Variants in TOP3B observed in about 807,000 individuals in gnomAD.
The protein encoded by TOP3B is DNA topoisomerase 3-beta-1.
A neutral mutation model predicts 93.9 loss-of-function variants in TOP3B; 45 were observed. The observed-to-expected ratio is 0.48, with a 90% CI of 0.38 to 0.61. The LOEUF (loss-of-function observed/expected upper bound fraction) is 0.61. Among genes scored for constraint, TOP3B ranks in the 20% least tolerant of loss-of-function variants. The pLI, the probability that TOP3B is intolerant of heterozygous loss-of-function variation, is 0.00. For missense variants in TOP3B, 750 were observed against 1,156.1 expected (o/e 0.65, Z 5.09); for synonymous variants, 357 against 472.6 (o/e 0.76, Z 3.17).
Position 21,963,715 on chromosome 22 carries a change from C to T in TOP3B, c.1204+208G>A. 1 of 586,730 alleles carries T rather than the reference C, an allele frequency of 1.7e-6. No homozygotes were observed. Among genetic ancestry groups the T allele is most frequent in the East Asian group, 2.9e-5 (1 of 34,260 alleles). 36.3% of individuals were successfully genotyped at this position (586,730 alleles called of 1,614,324 possible). A position where few individuals can be genotyped will look rare whatever the true frequency, so the allele number is the denominator to read the frequency against. ...CCCTGTGGCGTCTGCCCCCTTGCCT[C>T]CCTGCAACAGCACCTGCTGCTACCT... On this transcript the variant is annotated intron_variant, in intron 11 of 17. Transcript: ENST00000357179. The surrounding 1 kb of genome is among the most constrained non-coding windows in gnomAD (Gnocchi z 4.8).
rs2071657916 is a variant in TOP3B at position 21,971,958 on chromosome 22, C to T, written c.310-7G>A. On this transcript the variant is annotated splice_region_variant and splice_polypyrimidine_tract_variant and intron_variant, in intron 4 of 17. Coordinates refer to ENST00000357179, the MANE Select transcript of TOP3B (RefSeq NM_001282112.2). The surrounding 1 kb of genome is among the most constrained non-coding windows in gnomAD (Gnocchi z 4.6). ...CGCAGCCTCTGCCCTCCACCTGCCACACAGCACAGGTTCACACGTACCTGC... is the reference window on the plus strand; with the variant it reads ...CGCAGCCTCTGCCCTCCACCTGCCATACAGCACAGGTTCACACGTACCTGC... 1.2e-6 allele frequency: 2 copies of T among 1,613,106 alleles called. No individual in the cohort carries two copies. The highest frequency in any genetic ancestry group is 1.3e-5 in the African/African-American group (1 of 74,868).
At chr22:21,974,840 G>C (rs561960180) in intron 2 of TOP3B, 161 of 176,342 alleles carry the variant, frequency 9.1e-4, no homozygotes, top group African/African-American at 3.5e-3. Flanking sequence ...TACTAAAACA[G>C]ACTCCAGATC....
intron 9 of TOP3B, chr22:21,964,547 T>G (rs1040217657): frequency 1.7e-6 from 1 of 573,192 alleles, no homozygotes; most frequent in South Asian, 2.1e-5. Flanking sequence ...ACACCCAGGA[T>G]GGGCCTGATG....
chr22:21,962,217 G>C, intron 13 of TOP3B: 2 of 1,494,272 alleles, frequency 1.3e-6, no homozygotes, highest in Non-Finnish European at 1.8e-6. Flanking sequence ...GCCTTCACAG[G>C]GAAGGCCAGG....
chr22:21,963,023 G>A lies in TOP3B; in HGVS notation c.1205-130C>T, dbSNP rs756070314. ...CTGTGCAGGACACACTGCAAATCCT[G>A]GGGAAGGAGGAAAGAAAATGTGCAG... On this transcript the variant is annotated intron_variant, in intron 11 of 17. Coordinates refer to ENST00000357179, the MANE Select transcript of TOP3B (RefSeq NM_001282112.2). This position sits in a 1 kb window ranked among gnomAD's most constrained non-coding sequence, Gnocchi z 4.8. 1.7e-6 allele frequency: 2 copies of A among 1,148,762 alleles called. No homozygotes were observed. The highest frequency in any genetic ancestry group is 2.6e-5 in the East Asian group (1 of 39,004). The allele number at this position is 1,148,762 out of a possible 1,614,324, so 71.2% of individuals were successfully genotyped here.
Position 21,959,247 on chromosome 22 carries a change from A to G in TOP3B, c.1805-15T>C. 1 of 1,610,980 alleles carries G rather than the reference A, an allele frequency of 6.2e-7. No individual in the cohort carries two copies. Among genetic ancestry groups the G allele is most frequent in the Non-Finnish European group, 8.5e-7 (1 of 1,179,810 alleles). On this transcript the variant is annotated splice_polypyrimidine_tract_variant and intron_variant, in intron 15 of 17. Transcript: ENST00000357179. ...CTCATCCATGCCTGCGGGCAAGCAG[A>G]GTGCAGGAGTCATCTCCCTCCCAGT...
chr22:21,972,005 C>T, intron 4 of TOP3B, 54 bp from the exon 5 acceptor site: 1 of 1,508,476 alleles, frequency 6.6e-7, no homozygotes, highest in Non-Finnish European at 9.1e-7. Context: ...TCTGTGCCAC[C>T]CGCCCCCAGT....
chr22:21,979,170 G>C (rs1031235315), intron 1 of TOP3B, among the ~76,000 whole-genome samples: 1 of 152,028 alleles, frequency 6.6e-6, no homozygotes, highest in Non-Finnish European at 1.5e-5. Flanking sequence ...AGTGGGTCAG[G>C]GTTCGAGGGG....
At position 21,971,154 on chromosome 22, in the gene TOP3B, T is replaced by C. The variant is rs183318897; in HGVS notation, c.384+723A>G. ...AGCCGCCCTGCAGGGGAGGAGAGGGTATCTGGGAAGAGACAGAGTGTGATC... is the reference window on the plus strand; with the variant it reads ...AGCCGCCCTGCAGGGGAGGAGAGGGCATCTGGGAAGAGACAGAGTGTGATC... On this transcript the variant is annotated intron_variant, in intron 5 of 17. Transcript: ENST00000357179. This position sits in a 1 kb window ranked among gnomAD's most constrained non-coding sequence, Gnocchi z 4.6. 9.2e-5 allele frequency: 75 copies of C among 818,618 alleles called. 1 individual carries two copies. The African/African-American group carries it at 1.1e-3, about 12-fold the overall frequency. 50.7% of individuals were successfully genotyped at this position (818,618 alleles called of 1,614,324 possible). A position where few individuals can be genotyped will look rare whatever the true frequency, so the allele number is the denominator to read the frequency against.
chr22:21,959,874 C>A (rs1024588701), intron 14 of TOP3B, 138 bp from the exon 15 acceptor site: 4 of 1,186,318 alleles, frequency 3.4e-6, no homozygotes, highest in Non-Finnish European at 4.6e-6. Flanking sequence ...ACCCACCAGT[C>A]CACAGCCTCA....
chr22:21,967,324 A>G (rs111642910), intron 8 of TOP3B: 1 of 389,510 alleles, frequency 2.6e-6, no homozygotes, highest in Non-Finnish European at 4.7e-6. Context: ...CTAGCGGGTC[A>G]CGTGGAAAGG....
intron 13 of TOP3B, chr22:21,960,709 C>T: frequency 2.0e-6 from 1 of 496,534 alleles, no homozygotes; most frequent in South Asian, 2.4e-5. Context: ...AGACAACAGG[C>T]TCGGAGGTTA....
At chr22:21,975,529 C>A in intron 2 of TOP3B, 111 bp downstream of exon 2, 1 of 1,261,010 alleles carries the variant, frequency 7.9e-7, no homozygotes, top group Admixed American at 2.7e-5. Flanking sequence ...TTACCACCTG[C>A]CGACCCGAAC....
chr22:21,979,758 G>A (rs1388669636), intron 1 of TOP3B, among the ~76,000 whole-genome samples: 1 of 151,852 alleles, frequency 6.6e-6, no homozygotes, highest in African/African-American at 2.4e-5. Context: ...TGACTAACGT[G>A]GTGAAACCCC....
In TOP3B at chr22:21,963,827, G is replaced by T. The variant is rs2071296647; in HGVS notation, c.1204+96C>A. On this transcript the variant is annotated intron_variant, in intron 11 of 17. Transcript: ENST00000357179. The surrounding 1 kb of genome is among the most constrained non-coding windows in gnomAD (Gnocchi z 4.8). Reference sequence around the variant, plus strand: ...ACAGCCAGGGCAGGCAGAGGCTGAAGGAGCCCCCACATTGCCAACAGGGCC... The same window carrying T: ...ACAGCCAGGGCAGGCAGAGGCTGAATGAGCCCCCACATTGCCAACAGGGCC... 3.8e-6 allele frequency: 5 copies of T among 1,312,370 alleles called. No homozygotes were observed. The Admixed American group carries it at 7.3e-5, about 19-fold the overall frequency. 81.3% of individuals were successfully genotyped at this position (1,312,370 alleles called of 1,614,324 possible).
Position 21,963,633 on chromosome 22 carries a change from G to A in TOP3B, c.1204+290C>T. The A allele has an allele frequency of 2.3e-6, 1 of 437,254 alleles. No individual in the cohort carries two copies. The highest frequency in any genetic ancestry group is 4.1e-6 in the Non-Finnish European group (1 of 241,550). The allele number at this position is 437,254 out of a possible 1,614,324, so 27.1% of individuals were successfully genotyped here. A position where few individuals can be genotyped will look rare whatever the true frequency, so the allele number is the denominator to read the frequency against. ...CCACCTTAGGCCAGCTGGGAGGTAG[G>A]AGGTGTGCTGCCCCCTCCCCCACAC... On this transcript the variant is annotated intron_variant, in intron 11 of 17. Coordinates refer to ENST00000357179, the MANE Select transcript of TOP3B (RefSeq NM_001282112.2). The surrounding 1 kb of genome is among the most constrained non-coding windows in gnomAD (Gnocchi z 4.8).
At position 21,970,060 on chromosome 22, in the gene TOP3B, G is replaced by A. The variant is rs1224369087; in HGVS notation, c.581+150C>T. Reference sequence around the variant, plus strand: ...GCAGGGATTACAGGTGTTAGCCACTGTGCCTGGCCTTCTTCAGGGTTGGTG... The same window carrying A: ...GCAGGGATTACAGGTGTTAGCCACTATGCCTGGCCTTCTTCAGGGTTGGTG... On this transcript the variant is annotated intron_variant, in intron 6 of 17. Transcript: ENST00000357179. The surrounding 1 kb of genome is among the most constrained non-coding windows in gnomAD (Gnocchi z 4.4). The A allele has an allele frequency of 5.0e-6, 4 of 797,954 alleles. No individual in the cohort carries two copies. The highest frequency in any genetic ancestry group is 7.8e-6 in the Non-Finnish European group (4 of 510,688). 49.4% of individuals were successfully genotyped at this position (797,954 alleles called of 1,614,324 possible). A position where few individuals can be genotyped will look rare whatever the true frequency, so the allele number is the denominator to read the frequency against.
Position 21,970,932 on chromosome 22 carries a change from G to T in TOP3B, c.385-526C>A. The T allele has an allele frequency of 9.2e-7, 1 of 1,082,790 alleles. No homozygotes were observed. Among genetic ancestry groups the T allele is most frequent in the African/African-American group, 1.7e-5 (1 of 60,322 alleles). 67.1% of individuals were successfully genotyped at this position (1,082,790 alleles called of 1,614,324 possible). A position where few individuals can be genotyped will look rare whatever the true frequency, so the allele number is the denominator to read the frequency against. ...CACGGGTGGTCCTAGCTTGTGGTGG[G>T]GGCAGCTCGGGCTAAAGCACAGCAG... On this transcript the variant is annotated intron_variant, in intron 5 of 17. Coordinates refer to ENST00000357179, the MANE Select transcript of TOP3B (RefSeq NM_001282112.2). This position sits in a 1 kb window ranked among gnomAD's most constrained non-coding sequence, Gnocchi z 4.4.
At position 21,963,535 on chromosome 22, in the gene TOP3B, AG is replaced by A. The variant is rs200868400; in HGVS notation, c.1204+387del. The stretch of plus-strand genomic sequence containing the variant: ...ATTGCTTCAAACTCAGACTGTCCAC[AG>A]GTGGCTCCTGTCTCTACCTGCACTG... On this transcript the variant is annotated intron_variant, in intron 11 of 17. Transcript: ENST00000357179. The surrounding 1 kb of genome is among the most constrained non-coding windows in gnomAD (Gnocchi z 4.8). 1,122 of 243,890 alleles carry A rather than the reference AG, an allele frequency of 4.6e-3. 13 individuals carry two copies. The highest frequency in any genetic ancestry group is 0.024 in the African/African-American group (1,042 of 43,428). 15.1% of individuals were successfully genotyped at this position (243,890 alleles called of 1,614,324 possible). A position where few individuals can be genotyped will look rare whatever the true frequency, so the allele number is the denominator to read the frequency against.
Sources: allele counts gnomAD v4.1 joint callset (sites outside exome capture counted in the v4.1 genomes callset), GRCh38; gene constraint gnomAD v4.1.1; non-coding constraint Gnocchi (gnomAD v3.1); transcripts MANE v1.5; gene names NCBI Gene and HGNC (gene_info 2026-07-23, HGNC 2026-07-21).